GRID2: variants seen among roughly 807,000 people sequenced by gnomAD.
GRID2 encodes glutamate receptor ionotropic, delta-2.
In GRID2, 33 loss-of-function variants were observed where a neutral mutation model predicts 114.8. That is an observed-to-expected ratio of 0.29 (90% confidence interval 0.22 to 0.38). The LOEUF (loss-of-function observed/expected upper bound fraction) is 0.38. Ranked by LOEUF, GRID2 falls within the 10% of genes least tolerant of loss-of-function variation. The probability of loss-of-function intolerance (pLI) is 1.00; values close to 1 mark genes in which losing one functional copy is unlikely to be tolerated. For synonymous variants in GRID2, 505 were observed against 449.9 expected (o/e 1.12, Z -1.55); for missense variants, 1,184 against 1,257.7 (o/e 0.94, Z 0.89).
chr4:93,467,073 A>G (rs968502746), intron 11 of GRID2, among the ~76,000 whole-genome samples: 12 of 152,296 alleles, frequency 7.9e-5, no homozygotes, highest in Admixed American at 7.2e-4. Context: ...AAAATATACC[A>G]TGCCGGATCT....
chr4:93,444,408 A>G (rs896714060), intron 10 of GRID2, among the ~76,000 whole-genome samples: 4 of 152,024 alleles, frequency 2.6e-5, no homozygotes, highest in Non-Finnish European at 4.4e-5. Flanking sequence ...GGCTTATCAC[A>G]CATAAACTAA....
chr4:93,286,721 A>T (rs1040094321), intron 8 of GRID2, among the ~76,000 whole-genome samples: 300 of 141,068 alleles, frequency 2.1e-3, no homozygotes, highest in African/African-American at 7.8e-3. Context: ...GTGTGTGTGT[A>T]TGTTCCCACA....
rs992068346 is a variant in GRID2 at position 92,917,436 on chromosome 4, A to G, written c.245-167559A>G. Among the ~76,000 whole-genome samples, 9 of 152,216 alleles carry G rather than the reference A, an allele frequency of 5.9e-5. No homozygotes were observed. In the Middle Eastern group the frequency reaches 0.017, roughly 288 times the overall value. On this transcript the variant is annotated intron_variant, in intron 2 of 15. Coordinates refer to ENST00000282020, the MANE Select transcript of GRID2 (RefSeq NM_001510.4). The stretch of plus-strand genomic sequence containing the variant: ...TGTTCTAGACATGAAGTCCTTGCCC[A>G]TGTCTGTGTCCTGAATGGTATTGCA...
intron 1 of GRID2, among the ~76,000 whole-genome samples, chr4:92,562,891 T>C (rs1727164824): frequency 6.6e-6 from 1 of 152,204 alleles, no homozygotes; most frequent in South Asian, 2.1e-4. Context: ...AGCTCTCATA[T>C]ACATAGTTCC....
chr4:92,612,799 A>T (rs1729819109), intron 2 of GRID2, among the ~76,000 whole-genome samples: 1 of 151,438 alleles, frequency 6.6e-6, no homozygotes, highest in Non-Finnish European at 1.5e-5. Context: ...GGCCATGAGG[A>T]ACTCAATTGT....
chr4:93,358,660 T>G (rs1761577757), intron 8 of GRID2, among the ~76,000 whole-genome samples: 1 of 151,932 alleles, frequency 6.6e-6, no homozygotes, highest in Non-Finnish European at 1.5e-5. Context: ...GTCTTGAAAT[T>G]TTAAGAAAAG....
At chr4:93,705,663 G>T (rs773405172) in intron 14 of GRID2, among the ~76,000 whole-genome samples, 1 of 151,942 alleles carries the variant, frequency 6.6e-6, no homozygotes, top group African/African-American at 2.4e-5. Context: ...TGTTTACTTT[G>T]CCATGCAGAA....
At chr4:93,350,750 T>A (rs964957508) in intron 8 of GRID2, among the ~76,000 whole-genome samples, 1 of 152,188 alleles carries the variant, frequency 6.6e-6, no homozygotes, top group South Asian at 2.1e-4. Flanking sequence ...TACCTAGTAA[T>A]CAGCAGAACC....
chr4:92,463,909 C>G (rs1721616776), intron 1 of GRID2, among the ~76,000 whole-genome samples: 1 of 151,886 alleles, frequency 6.6e-6, no homozygotes, highest in Non-Finnish European at 1.5e-5. Context: ...TCCCATCTCT[C>G]TGCTTCCTTT....
intron 14 of GRID2, among the ~76,000 whole-genome samples, chr4:93,755,878 C>T (rs1016479953): frequency 2.0e-5 from 3 of 152,156 alleles, no homozygotes; most frequent in African/African-American, 7.2e-5. Context: ...GTTTAAATCT[C>T]TCTTGCTTTT....
chr4:92,580,908 A>G (rs192984477), intron 1 of GRID2, among the ~76,000 whole-genome samples: 105 of 147,736 alleles, frequency 7.1e-4, no homozygotes, highest in African/African-American at 2.5e-3. Context: ...TTTTTTTTAA[A>G]TGCATCAGGT....
At chr4:93,702,844 G>A (rs990725519) in intron 14 of GRID2, among the ~76,000 whole-genome samples, 2 of 152,014 alleles carry the variant, frequency 1.3e-5, no homozygotes, top group African/African-American at 4.8e-5. Flanking sequence ...TCTAATGTGG[G>A]GAGACAGAAA....
chr4:93,299,692 A>C (rs1246482246), intron 8 of GRID2, among the ~76,000 whole-genome samples: 6 of 152,044 alleles, frequency 3.9e-5, no homozygotes, highest in Non-Finnish European at 8.8e-5. Flanking sequence ...CTAGAACTTA[A>C]AGTATAATAA....
intron 2 of GRID2, among the ~76,000 whole-genome samples, chr4:92,957,390 C>A (rs530074126): frequency 1.6e-4 from 25 of 151,986 alleles, no homozygotes; most frequent in Non-Finnish European, 3.5e-4. Flanking sequence ...GTTGTTCCAG[C>A]ACTGTTTTTT....
rs186222386 is a variant in GRID2, at chr4:93,188,414, G to A, written c.736-18990G>A. 4.6e-5 allele frequency among the ~76,000 whole-genome samples: 7 copies of A among 152,260 alleles called. No individual in the cohort carries two copies. In the East Asian group the frequency reaches 1.4e-3, roughly 29 times the overall value. On this transcript the variant is annotated intron_variant, in intron 4 of 15. Coordinates refer to ENST00000282020, the MANE Select transcript of GRID2 (RefSeq NM_001510.4). Reference sequence around the variant, plus strand: ...GGGCAAGGAGTGCTGTTCCAGAATGGGGAGAGCAGAGACTTAAAATTTTTC... The same window carrying A: ...GGGCAAGGAGTGCTGTTCCAGAATGAGGAGAGCAGAGACTTAAAATTTTTC...
intron 1 of GRID2, among the ~76,000 whole-genome samples, chr4:92,482,243 C>T (rs1248813722): frequency 6.6e-6 from 1 of 151,666 alleles, no homozygotes; most frequent in South Asian, 2.1e-4. Flanking sequence ...CATGTCCTCA[C>T]TTATATGTGG....
At chr4:92,618,621 C>A (rs115970290) in intron 2 of GRID2, among the ~76,000 whole-genome samples, 2 of 151,870 alleles carry the variant, frequency 1.3e-5, no homozygotes, top group Non-Finnish European at 2.9e-5. Context: ...ATTAACTCTT[C>A]CTATCCATAA....
At chr4:92,305,015 G>A (rs1272110784) in intron 1 of GRID2, among the ~76,000 whole-genome samples, 2 of 152,184 alleles carry the variant, frequency 1.3e-5, no homozygotes, top group Non-Finnish European at 2.9e-5. Flanking sequence ...GTGTGAGTGT[G>A]TGCTGGGAAC....
intron 9 of GRID2, among the ~76,000 whole-genome samples, chr4:93,400,912 C>A (rs527428493): frequency 7.5e-4 from 114 of 152,156 alleles, no homozygotes; most frequent in Middle Eastern, 6.8e-3. Flanking sequence ...TCATGGCTCA[C>A]TGGAGCTTCA....
Sources: gnomAD v4.1 joint callset for allele counts (sites outside exome capture counted in the v4.1 genomes callset) on GRCh38, gnomAD v4.1.1 for gene constraint, MANE v1.5 for transcripts, NCBI Gene and HGNC (gene_info 2026-07-23, HGNC 2026-07-21) for gene names.